KIAA1217: variants seen among roughly 807,000 people sequenced by gnomAD.
KIAA1217 encodes sickle tail protein homolog.
A neutral mutation model predicts 163.9 loss-of-function variants in KIAA1217; 88 were observed. The ratio of observed to expected loss-of-function variants is 0.54; its 90% CI spans 0.45 to 0.64. KIAA1217 has a LOEUF of 0.64. KIAA1217 is among the 30% of genes least tolerant of loss of function. The probability of loss-of-function intolerance (pLI) is 0.00; values close to 1 mark genes in which losing one functional copy is unlikely to be tolerated. For synonymous variants in KIAA1217, 903 were observed against 923.1 expected (o/e 0.98, Z 0.39); for missense variants, 2,372 against 2,475.0 (o/e 0.96, Z 0.88).
rs538637352 is a variant in KIAA1217 at position 24,318,587 on chromosome 10, G to A, written c.355-62282G>A. Among the ~76,000 whole-genome samples, 8 of 152,032 alleles carry A rather than the reference G, an allele frequency of 5.3e-5. No homozygotes were observed. In the South Asian group the frequency reaches 6.2e-4, roughly 12 times the overall value. On this transcript the variant is annotated intron_variant, in intron 2 of 20. Transcript: ENST00000376454. The stretch of plus-strand genomic sequence containing the variant: ...TTCTGGTTTTCTCTTGAATACACAC[G>A]TATACGCACACCTCCCCCTCTCTTA...
rs1341824466 is a variant in KIAA1217 at position 23,705,658 on chromosome 10, T to A, written c.-321+10424T>A. The stretch of plus-strand genomic sequence containing the variant: ...ATACTGTAGCTTTGAAATAAGTTTT[T>A]AAATTGGAAATTGTGAGTTATTCAA... On this transcript the variant is annotated intron_variant, in intron 1 of 18. Transcript: ENST00000376462. 2.0e-5 allele frequency among the ~76,000 whole-genome samples: 3 copies of A among 152,200 alleles called. No homozygotes were observed. The East Asian group carries it at 5.8e-4, about 29-fold the overall frequency.
chr10:24,427,786 C>G (rs2059289916), intron 3 of KIAA1217, among the ~76,000 whole-genome samples: 1 of 152,186 alleles, frequency 6.6e-6, no homozygotes, highest in Non-Finnish European at 1.5e-5. Context: ...TGCGGAATCT[C>G]TAGAAACCAT....
chr10:23,968,228 TA>T (rs1275906553), intron 1 of KIAA1217, among the ~76,000 whole-genome samples: 1 of 152,194 alleles, frequency 6.6e-6, no homozygotes, highest in Non-Finnish European at 1.5e-5. Context: ...AGGCAACGCT[TA>T]AAACATTCTA....
rs181846368 is a variant in KIAA1217 at position 24,318,983 on chromosome 10, G to T, written c.355-61886G>T. Among the ~76,000 whole-genome samples, 15 of 152,336 alleles carry T rather than the reference G, an allele frequency of 9.8e-5. No homozygotes were observed. In the East Asian group the frequency reaches 2.9e-3, roughly 29 times the overall value. ...CGGTTTGGGAGCTGCAGGTAGAGTG[G>T]CAGCAGTAGTCATGGGAGTGGATGA... On this transcript the variant is annotated intron_variant, in intron 2 of 20. Transcript: ENST00000376454.
chr10:23,999,191 G>A (rs769409165), intron 1 of KIAA1217, among the ~76,000 whole-genome samples: 14 of 152,196 alleles, frequency 9.2e-5, no homozygotes, highest in Non-Finnish European at 1.8e-4. Context: ...GTTGCTGTTG[G>A]TTGCTTTGTT....
chr10:24,238,013 C>T (rs1312067213), intron 2 of KIAA1217, among the ~76,000 whole-genome samples: 1 of 152,188 alleles, frequency 6.6e-6, no homozygotes, highest in Non-Finnish European at 1.5e-5. Context: ...TGATTGCTCT[C>T]TGTAAATACC....
chr10:24,077,423 CAT>C (rs1402757637), intron 2 of KIAA1217, among the ~76,000 whole-genome samples: 3 of 152,272 alleles, frequency 2.0e-5, no homozygotes, highest in Middle Eastern at 3.4e-3. Context: ...TAAGTGAAAA[CAT>C]ATGGTATTTT....
In KIAA1217 at chr10:24,524,483, A is replaced by C. The variant is rs368669714; in HGVS notation, c.2617A>C (p.Lys873Gln). The change falls in exon 13 of 21, where the codon AAG becomes CAG. Residue 873 changes from lysine (K) to glutamine (Q), a missense_variant. This residue lies in a region of KIAA1217 where 1,431 missense variants were observed against 1,470.3 expected (regional missense o/e 0.97). Transcript: ENST00000376454. Reference sequence around the variant, plus strand: ...CAGCACAGGTGCCCCTGGCGATGCGAAGTCGGAAGTGGTGCCTTTGTCCGG... The same window carrying C: ...CAGCACAGGTGCCCCTGGCGATGCGCAGTCGGAAGTGGTGCCTTTGTCCGG... ...FHSTGAPGDA[K>Q]SEVVPLSGMM... is the part of the protein sequence containing the mutation. 20 of 1,614,026 alleles carry C rather than the reference A, an allele frequency of 1.2e-5. No individual in the cohort carries two copies. The highest frequency in any genetic ancestry group is 8.9e-5 in the East Asian group (4 of 44,878).
intron 2 of KIAA1217, among the ~76,000 whole-genome samples, chr10:24,369,519 T>C (rs865798808): frequency 6.6e-6 from 1 of 152,234 alleles, no homozygotes; most frequent in African/African-American, 2.4e-5. Context: ...CTCTTTGGTT[T>C]GGCAACAATG....
chr10:24,145,775 C>T (rs2064283084), intron 2 of KIAA1217, among the ~76,000 whole-genome samples: 1 of 152,220 alleles, frequency 6.6e-6, no homozygotes, highest in Admixed American at 6.5e-5. Context: ...AGCTGAAAAA[C>T]TTGGAGTCTG....
intron 3 of KIAA1217, among the ~76,000 whole-genome samples, chr10:24,409,745 C>T (rs1453278654): frequency 6.6e-6 from 1 of 152,080 alleles, no homozygotes; most frequent in Non-Finnish European, 1.5e-5. Flanking sequence ...CCTCACCCCT[C>T]TCCCACCCTT....
At chr10:24,310,304 G>A (rs1009346653) in intron 2 of KIAA1217, among the ~76,000 whole-genome samples, 8 of 152,132 alleles carry the variant, frequency 5.3e-5, no homozygotes, top group Non-Finnish European at 8.8e-5. Flanking sequence ...ACAACAACTC[G>A]ATGAGGTAAG....
chr10:24,410,958 G>C (rs2057719925), intron 3 of KIAA1217, among the ~76,000 whole-genome samples: 1 of 152,084 alleles, frequency 6.6e-6, no homozygotes. Context: ...TGTACTAAAT[G>C]CCTCCCAGCA....
In KIAA1217 at chr10:23,758,626, T is replaced by TTCTCTCTCTC. The variant is rs573288653; in HGVS notation, c.-321+63403_-321+63412dup. On this transcript the variant is annotated intron_variant, in intron 1 of 18. Transcript: ENST00000376462. ...CTTTTCTCTTTCTTTCTTTCTTACT[T>TTCTCTCTCTC]TCTCTCTCTCTCTCTCTCTCCCCCT... Among the ~76,000 whole-genome samples the TTCTCTCTCTC allele has an allele frequency of 6.8e-4, 79 of 116,954 alleles. 5 individuals are homozygous for TTCTCTCTCTC. The East Asian group carries it at 0.011, about 17-fold the overall frequency. 76.7% of individuals were successfully genotyped at this position (116,954 alleles called of 152,430 possible).
chr10:23,908,720 A>C (rs1842291688), intron 1 of KIAA1217, among the ~76,000 whole-genome samples: 1 of 152,168 alleles, frequency 6.6e-6, no homozygotes, highest in African/African-American at 2.4e-5. Flanking sequence ...CTCCTGCAAG[A>C]ATGGCCTAAT....
chr10:24,244,595 T>G (rs1474216039), intron 2 of KIAA1217, among the ~76,000 whole-genome samples: 1 of 145,532 alleles, frequency 6.9e-6, no homozygotes, highest in Non-Finnish European at 1.5e-5. Flanking sequence ...AGACATGTCT[T>G]ACTCTGTCAC....
At chr10:24,483,828 A>G (rs906098708) in intron 6 of KIAA1217, among the ~76,000 whole-genome samples, 1 of 152,220 alleles carries the variant, frequency 6.6e-6, no homozygotes, top group Non-Finnish European at 1.5e-5. Flanking sequence ...CAGGGAAGAG[A>G]AAGAAAATGC....
At chr10:24,054,999 G>T (rs1849785931) in intron 2 of KIAA1217, among the ~76,000 whole-genome samples, 1 of 152,120 alleles carries the variant, frequency 6.6e-6, no homozygotes, top group Non-Finnish European at 1.5e-5. Context: ...GGGCATGGTG[G>T]CTCATACCTA....
chr10:24,543,682 T>TA lies in KIAA1217; in HGVS notation c.4413dup (p.Glu1472ArgfsTer25). On this transcript the variant is annotated frameshift_variant, in exon 19 of 21. Coordinates refer to ENST00000376454, the MANE Select transcript of KIAA1217 (RefSeq NM_019590.5). LOFTEE classifies it high-confidence loss of function. Reference sequence around the variant, plus strand: ...ATCTTTGAGGAATGTGATGAGGAATTAGAGAGAATGATGATGGAGGAAAAG... The same window carrying TA: ...ATCTTTGAGGAATGTGATGAGGAATTAAGAGAGAATGATGATGGAGGAAAAG... 1 of 1,613,532 alleles carries TA rather than the reference T, an allele frequency of 6.2e-7. No homozygotes were observed. The highest frequency in any genetic ancestry group is 8.5e-7 in the Non-Finnish European group (1 of 1,179,738).
Sources: gnomAD v4.1 joint callset for allele counts (sites outside exome capture counted in the v4.1 genomes callset) on GRCh38, gnomAD v4.1.1 for gene constraint, gnomAD v4.1.1 regional missense constraint, MANE v1.5 for transcripts, NCBI Gene and HGNC (gene_info 2026-07-23, HGNC 2026-07-21) for gene names.